The following SHMT1 variants were observed in gnomAD, a reference collection of about 807,000 sequenced individuals.
The protein encoded by SHMT1 is serine hydroxymethyltransferase, cytosolic.
SHMT1 carries 45 observed loss-of-function variants against 49.0 expected under a neutral mutation model. The ratio of observed to expected loss-of-function variants is 0.92; its 90% confidence interval spans 0.72 to 1.18. The LOEUF (loss-of-function observed/expected upper bound fraction) is 1.18, where lower values mean the gene tolerates loss of function less well. SHMT1 is among the 50% of genes most tolerant of loss of function. SHMT1 has a pLI of 0.00. For synonymous variants in SHMT1, 232 were observed against 246.6 expected, an observed-to-expected ratio of 0.94 and a Z score of 0.55; for missense variants, 541 against 612.4, an observed-to-expected ratio of 0.88 and a Z score of 1.23.
At position 18,353,812 on chromosome 17, in the gene SHMT1, G is replaced by T; in HGVS notation, c.102C>A (p.Tyr34Ter). The stretch of plus-strand genomic sequence containing the variant: ...GGTTACTCTCCTTCTTAATGATGTT[G>T]TAAACCTTATGAGAAGAAAACAGAT... Reference protein sequence around the residue: ...QPLKDSDVEVYNIIKKESNRQ... With the variant: ...QPLKDSDVEV Residue 34 changes from tyrosine to a stop codon, truncating the protein, a stop_gained, in exon 3 of 12, where the codon TAC becomes TAA. Coordinates refer to ENST00000316694, the MANE Select transcript of SHMT1 (RefSeq NM_004169.5). LOFTEE classifies it high-confidence loss of function. 1.2e-6 allele frequency: 2 copies of T among 1,614,038 alleles called. No individual in the cohort carries two copies. The highest frequency in any genetic ancestry group is 1.7e-6 in the Non-Finnish European group (2 of 1,179,944).
chr17:18,346,154 A>G (rs951119446), intron 5 of SHMT1, among the ~76,000 whole-genome samples: 1 of 152,152 alleles, frequency 6.6e-6, no homozygotes, highest in Non-Finnish European at 1.5e-5. Context: ...CTGAGTACAC[A>G]CAGAACCATG....
rs753581059 is a variant in SHMT1, at chr17:18,340,827, G to A, written c.520-14C>T. On this transcript the variant is annotated splice_polypyrimidine_tract_variant and intron_variant, in intron 5 of 11. Transcript: ENST00000316694. This position sits in a 1 kb window ranked among gnomAD's most constrained non-coding sequence, Gnocchi z 4.5. ...ATCTGGGTTCACCTGTGGAATGTCA[G>A]GGAGGCAGGTTCAGGCTGCTTCCTC... is the stretch of plus-strand genomic sequence containing the variant. 5.0e-6 allele frequency: 8 copies of A among 1,609,668 alleles called. No homozygotes were observed. Among genetic ancestry groups the A allele is most frequent in the Middle Eastern group, 1.7e-4 (1 of 5,950 alleles).
Position 18,340,463 on chromosome 17 carries a change from C to T in SHMT1, c.602-208G>A, listed in dbSNP as rs1984372893. On this transcript the variant is annotated intron_variant, in intron 6 of 11. Coordinates refer to ENST00000316694, the MANE Select transcript of SHMT1 (RefSeq NM_004169.5). This position sits in a 1 kb window ranked among gnomAD's most constrained non-coding sequence, Gnocchi z 4.5. Reference sequence around the variant, plus strand: ...TTCAACGTCTTGGTGGTTGAGATGGCCCCAACTACTATTGCCAGCGCAGTC... The same window carrying T: ...TTCAACGTCTTGGTGGTTGAGATGGTCCCAACTACTATTGCCAGCGCAGTC... The T allele has an allele frequency of 1.0e-5, 7 of 678,722 alleles. No homozygotes were observed. Among genetic ancestry groups the T allele is most frequent in the South Asian group, 3.4e-5 (2 of 58,824 alleles). 42.0% of individuals were successfully genotyped at this position (678,722 alleles called of 1,614,324 possible). A position where few individuals can be genotyped will look rare whatever the true frequency, so the allele number is the denominator to read the frequency against.
At chr17:18,338,474 T>C (rs1272246330) in intron 7 of SHMT1, among the ~76,000 whole-genome samples, 4 of 143,794 alleles carry the variant, frequency 2.8e-5, no homozygotes, top group Non-Finnish European at 6.4e-5. Flanking sequence ...CCGCCCCTTC[T>C]GGGAAGTGAG....
chr17:18,342,706 C>T (rs1298573258), intron 5 of SHMT1, among the ~76,000 whole-genome samples: 1 of 151,518 alleles, frequency 6.6e-6, no homozygotes, highest in African/African-American at 2.4e-5. Context: ...GAGGCCGAGG[C>T]AGGTGGACCA....
intron 4 of SHMT1, among the ~76,000 whole-genome samples, chr17:18,347,877 T>C (rs1410071786): frequency 6.6e-6 from 1 of 150,928 alleles, no homozygotes; most frequent in Non-Finnish European, 1.5e-5. Context: ...CCAAGGGTAA[T>C]GCAGAGGGAT....
In SHMT1 at chr17:18,355,895, A is replaced by T. The variant is rs542325188; in HGVS notation, c.87T>A (p.Ser29Arg). Residue 29 changes from serine (S) to arginine (R), a missense_variant, in exon 2 of 12, where the codon AGT becomes AGA. Transcript: ENST00000316694. ...DKMLAQPLKD[S>R]DVEVYNIIKK... ...ACCCCAAAAATCTCACCTCAACATC[A>T]CTGTCTTTGAGGGGTTGTGCCAGCA... The T allele has an allele frequency of 4.3e-6, 7 of 1,612,460 alleles. No individual in the cohort carries two copies. The East Asian group carries it at 1.6e-4, about 36-fold the overall frequency.
chr17:18,350,019 TC>T (rs1355471470), intron 3 of SHMT1, among the ~76,000 whole-genome samples: 17 of 147,384 alleles, frequency 1.2e-4, no homozygotes, highest in African/African-American at 2.5e-4. Context: ...AAACTCTGTC[TC>T]AAAAAAATAA....
rs1567778705 is a variant in SHMT1, at chr17:18,340,722, CG to C, written c.601+9del. On this transcript the variant is annotated intron_variant, in intron 6 of 11. Coordinates refer to ENST00000316694, the MANE Select transcript of SHMT1 (RefSeq NM_004169.5). The surrounding 1 kb of genome is among the most constrained non-coding windows in gnomAD (Gnocchi z 4.5). ...TGGTGAACAAGGTGACTTTCCGCCC[CG>C]CGCATCACCTGCGATGATCAGCTTC... 1 of 1,608,480 alleles carries C rather than the reference CG, an allele frequency of 6.2e-7. No homozygotes were observed. The highest frequency in any genetic ancestry group is 2.2e-5 in the East Asian group (1 of 44,664).
At chr17:18,330,438 C>G in intron 10 of SHMT1, 117 bp downstream of exon 10, 1 of 843,430 alleles carries the variant, frequency 1.2e-6, no homozygotes, top group Admixed American at 1.8e-5. Flanking sequence ...GCCCAGCCCC[C>G]ACTACAGTTT....
intron 4 of SHMT1, 29 bp downstream of exon 4, chr17:18,348,296 G>T: frequency 7.1e-7 from 1 of 1,403,754 alleles, no homozygotes; most frequent in Non-Finnish European, 1.0e-6. Context: ...TGAAGAGGCT[G>T]CACCAGGCCA....
At chr17:18,355,369 C>CAAAAA (rs778650524) in intron 2 of SHMT1, among the ~76,000 whole-genome samples, 1 of 62,754 alleles carries the variant, frequency 1.6e-5, no homozygotes, top group Non-Finnish European at 3.2e-5. Flanking sequence ...GACTCTGTCT[C>CAAAAA]AAAAAAAAAA....
At position 18,328,847 on chromosome 17, in the gene SHMT1, A is replaced by C; in HGVS notation, c.1355T>G (p.Leu452Arg). Residue 452 changes from leucine to arginine, a missense_variant, in exon 12 of 12, where the codon CTG (leucine) becomes CGG (arginine). Leu to Arg is a moderately radical substitution (Grantham distance 102). Coordinates refer to ENST00000316694, the MANE Select transcript of SHMT1 (RefSeq NM_004169.5). ...RATLKEFKER[L>R]AGDKYQAAVQ... ...GGCCGCCTGGTACTTATCCCCTGCC[A>C]GTCTCTCCTTGAACTCTTTCAGGGT... 6.2e-7 allele frequency: 1 copy of C among 1,613,788 alleles called. No homozygotes were observed. Among genetic ancestry groups the C allele is most frequent in the Non-Finnish European group, 8.5e-7 (1 of 1,180,032 alleles).
intron 1 of SHMT1, among the ~76,000 whole-genome samples, chr17:18,362,042 G>A (rs973606282): frequency 6.6e-6 from 1 of 152,180 alleles, no homozygotes; most frequent in Non-Finnish European, 1.5e-5. Context: ...TCACATAAGA[G>A]GATCCAGCCA....
chr17:18,338,382 C>T lies in SHMT1; in HGVS notation c.814+1661G>A, dbSNP rs1271195580. Among the ~76,000 whole-genome samples, 25 of 151,974 alleles carry T rather than the reference C, an allele frequency of 1.6e-4. No individual in the cohort carries two copies. In the South Asian group the frequency reaches 2.1e-3, roughly 13 times the overall value. On this transcript the variant is annotated intron_variant, in intron 7 of 11. Transcript: ENST00000316694. ...TGGGGGCAGCCCCCGCCCAGCCAGC[C>T]GCCCCGTCCGGGAGGGAGGTGGGGG...
At chr17:18,352,438 G>A (rs952570449) in intron 3 of SHMT1, among the ~76,000 whole-genome samples, 4 of 151,602 alleles carry the variant, frequency 2.6e-5, no homozygotes, top group Non-Finnish European at 2.9e-5. Context: ...GAGCCACCGC[G>A]CCCGGTCCCC....
chr17:18,354,558 C>T (rs1456654062), intron 2 of SHMT1, among the ~76,000 whole-genome samples: 1 of 151,292 alleles, frequency 6.6e-6, no homozygotes, highest in East Asian at 2.0e-4. Context: ...ATCGCGCCAT[C>T]GCACTCCAGC....
At chr17:18,362,035 CA>C (rs1986825768) in intron 1 of SHMT1, among the ~76,000 whole-genome samples, 1 of 152,226 alleles carries the variant, frequency 6.6e-6, no homozygotes, top group African/African-American at 2.4e-5. Flanking sequence ...GCCTCTGTCA[CA>C]TAAGAGGATC....
intron 3 of SHMT1, among the ~76,000 whole-genome samples, chr17:18,348,840 T>G (rs974486430): frequency 6.6e-6 from 1 of 151,464 alleles, no homozygotes; most frequent in Non-Finnish European, 1.5e-5. Flanking sequence ...TAGCCAGGTG[T>G]TGTGGTGTGT....
Sources: allele counts gnomAD v4.1 joint callset (sites outside exome capture counted in the v4.1 genomes callset), GRCh38; gene constraint gnomAD v4.1.1; non-coding constraint Gnocchi (gnomAD v3.1); transcripts MANE v1.5; gene names NCBI Gene and HGNC (gene_info 2026-07-23, HGNC 2026-07-21).